The following CTDSPL variants were observed in gnomAD, a reference collection of about 807,000 sequenced individuals.
The protein encoded by CTDSPL is CTD small phosphatase like.
Under a neutral mutation model 30.5 loss-of-function variants are expected in CTDSPL, and 8 were observed. The ratio of observed to expected loss-of-function variants is 0.26; its 90% confidence interval spans 0.15 to 0.47. The LOEUF (loss-of-function observed/expected upper bound fraction) is 0.47. Among genes scored for constraint, CTDSPL ranks in the 20% least tolerant of loss-of-function variants. CTDSPL has a pLI of 0.99. For synonymous variants in CTDSPL, 110 were observed against 137.9 expected, an observed-to-expected ratio of 0.80 and a Z score of 1.42; for missense variants, 248 against 366.1, an observed-to-expected ratio of 0.68 and a Z score of 2.63.
At chr3:37,927,636 A>ATATGTG (rs1553684181) in intron 1 of CTDSPL, among the ~76,000 whole-genome samples, 3 of 115,786 alleles carry the variant, frequency 2.6e-5, no homozygotes, top group South Asian at 2.8e-4. Flanking sequence ...AGAAAAATAT[A>ATATGTG]TGTGTGTGTG....
At chr3:37,907,978 C>T (rs898305612) in intron 1 of CTDSPL, among the ~76,000 whole-genome samples, 1 of 152,210 alleles carries the variant, frequency 6.6e-6, no homozygotes, top group Admixed American at 6.5e-5. Context: ...AGATGCAAAA[C>T]AAACAGAAAG....
intron 1 of CTDSPL, among the ~76,000 whole-genome samples, chr3:37,903,258 T>C (rs1698473035): frequency 1.3e-5 from 2 of 152,204 alleles, no homozygotes; most frequent in African/African-American, 4.8e-5. Flanking sequence ...AGGCTGCTGT[T>C]AGCTACACCT....
At chr3:37,971,361 C>T (rs1699364770) in intron 5 of CTDSPL, 46 bp from the exon 6 acceptor site, 1 of 1,571,128 alleles carries the variant, frequency 6.4e-7, no homozygotes, top group African/African-American at 1.3e-5. Flanking sequence ...AGGCCATCCC[C>T]AGCAACTGCC....
At chr3:37,887,038 A>T (rs1698270693) in intron 1 of CTDSPL, among the ~76,000 whole-genome samples, 1 of 152,134 alleles carries the variant, frequency 6.6e-6, no homozygotes, top group Admixed American at 6.5e-5. Context: ...AAGCTTTCTC[A>T]TCTCAGGAAT....
At chr3:37,966,747 A>G (rs1249412188) in intron 4 of CTDSPL, among the ~76,000 whole-genome samples, 1 of 152,070 alleles carries the variant, frequency 6.6e-6, no homozygotes, top group Non-Finnish European at 1.5e-5. Context: ...TAGTTTATAT[A>G]TCAACAAAGA....
intron 1 of CTDSPL, among the ~76,000 whole-genome samples, chr3:37,888,892 C>G (rs1044587216): frequency 1.3e-5 from 2 of 152,226 alleles, no homozygotes; most frequent in Admixed American, 6.5e-5. Flanking sequence ...AGCTTTGGCT[C>G]TGCCTCAGCA....
At chr3:37,932,610 A>G (rs1029696083) in intron 1 of CTDSPL, among the ~76,000 whole-genome samples, 43 of 152,376 alleles carry the variant, frequency 2.8e-4, no homozygotes, top group African/African-American at 6.7e-4. Context: ...GCAAATTAAA[A>G]CAACACGGAG....
chr3:37,897,561 T>C (rs1698403335), intron 1 of CTDSPL, among the ~76,000 whole-genome samples: 1 of 152,196 alleles, frequency 6.6e-6, no homozygotes, highest in Non-Finnish European at 1.5e-5. Context: ...ATCTCTGATG[T>C]AGTAAGTGTG....
At chr3:37,957,019 A>C (rs1300250592) in intron 2 of CTDSPL, 92 bp from the exon 3 acceptor site, 1 of 1,015,282 alleles carries the variant, frequency 9.8e-7, no homozygotes. Flanking sequence ...CAGATCATGC[A>C]GCTGCTGTGC....
intron 1 of CTDSPL, among the ~76,000 whole-genome samples, chr3:37,889,143 G>C (rs1304302039): frequency 1.3e-5 from 2 of 152,194 alleles, no homozygotes; most frequent in Non-Finnish European, 2.9e-5. Context: ...CTGAGTAGCA[G>C]GCAGTAAGCA....
Position 37,953,272 on chromosome 3 carries a change from C to T in CTDSPL, c.235-3839C>T, listed in dbSNP as rs114369273. Among the ~76,000 whole-genome samples, 1,363 of 152,294 alleles carry T rather than the reference C, an allele frequency of 8.9e-3. 31 individuals carry two copies. The highest frequency in any genetic ancestry group is 0.078 in the South Asian group (375 of 4,822). On this transcript the variant is annotated intron_variant, in intron 2 of 7. Coordinates refer to ENST00000273179, the MANE Select transcript of CTDSPL (RefSeq NM_001008392.2). ...AGTATAACCATCTTATCCTCATTCA[C>T]GTGCCTACGCCCCATCTCTTTGCTT...
intron 1 of CTDSPL, among the ~76,000 whole-genome samples, chr3:37,894,752 CTT>C (rs1183107984): frequency 6.6e-6 from 1 of 152,050 alleles, no homozygotes; most frequent in Non-Finnish European, 1.5e-5. Flanking sequence ...TATTTTCAAT[CTT>C]TTTTCCTTTC....
rs554064045 is a variant in CTDSPL at position 37,923,375 on chromosome 3, A to G, written c.80-23682A>G. Reference sequence around the variant, plus strand: ...CTGTGAAGACTTCCACAGAACTGCCATCCCAACTGATAGTTCAAATGCGTT... The same window carrying G: ...CTGTGAAGACTTCCACAGAACTGCCGTCCCAACTGATAGTTCAAATGCGTT... On this transcript the variant is annotated intron_variant, in intron 1 of 7. Transcript: ENST00000273179. Among the ~76,000 whole-genome samples, 122 of 152,362 alleles carry G rather than the reference A, an allele frequency of 8.0e-4. 1 individual carries two copies. The highest frequency in any genetic ancestry group is 1.4e-3 in the Non-Finnish European group (92 of 68,038).
rs760187314 is a variant in CTDSPL at position 37,967,903 on chromosome 3, T to A, written c.426+21T>A. On this transcript the variant is annotated intron_variant, in intron 5 of 7. Coordinates refer to ENST00000273179, the MANE Select transcript of CTDSPL (RefSeq NM_001008392.2). ...ATCAGGTAAGAAACTGAAGCTAAAT[T>A]TGAGTTTCAATTAAGATTTTTTAGT... 5 of 1,554,458 alleles carry A rather than the reference T, an allele frequency of 3.2e-6. No individual in the cohort carries two copies. In the East Asian group the frequency reaches 9.1e-5, roughly 28 times the overall value.
At chr3:37,898,772 T>A (rs1166400910) in intron 1 of CTDSPL, among the ~76,000 whole-genome samples, 2 of 152,034 alleles carry the variant, frequency 1.3e-5, no homozygotes, top group East Asian at 3.9e-4. Context: ...AACCAAAAAA[T>A]TAATTAATTA....
intron 1 of CTDSPL, among the ~76,000 whole-genome samples, chr3:37,937,809 G>C (rs977283334): frequency 6.7e-6 from 1 of 150,250 alleles, no homozygotes. Context: ...TGCTAAATTT[G>C]GATTTTACAA....
chr3:37,873,738 T>C (rs944521805), intron 1 of CTDSPL, among the ~76,000 whole-genome samples: 8 of 152,258 alleles, frequency 5.3e-5, no homozygotes, highest in Admixed American at 5.2e-4. Flanking sequence ...TAATGACTGA[T>C]GTAAAAGTCA....
At chr3:37,897,341 C>T (rs1266191103) in intron 1 of CTDSPL, among the ~76,000 whole-genome samples, 1 of 152,152 alleles carries the variant, frequency 6.6e-6, no homozygotes, top group Non-Finnish European at 1.5e-5. Context: ...CCTAGTAGTT[C>T]TGCACATGTC....
intron 1 of CTDSPL, among the ~76,000 whole-genome samples, chr3:37,906,250 G>A (rs897353359): frequency 6.6e-6 from 1 of 152,150 alleles, no homozygotes; most frequent in African/African-American, 2.4e-5. Context: ...CCACCCTGTG[G>A]CATCACCAAA....
Sources: allele counts gnomAD v4.1 joint callset (sites outside exome capture counted in the v4.1 genomes callset), GRCh38; gene constraint gnomAD v4.1.1; transcripts MANE v1.5; gene names NCBI Gene and HGNC (gene_info 2026-07-23, HGNC 2026-07-21).